The following RTN4 variants were observed in gnomAD, a reference collection of about 807,000 sequenced individuals.
The protein encoded by RTN4 is reticulon 4, also known as reticulon-4.
A neutral mutation model predicts 90.4 loss-of-function variants in RTN4; 32 were observed. The observed-to-expected ratio is 0.35, with a 90% CI of 0.27 to 0.48. The LOEUF (loss-of-function observed/expected upper bound fraction) is 0.48, where lower values mean the gene tolerates loss of function less well. RTN4 is among the 20% of genes least tolerant of loss of function. The pLI, the probability that RTN4 is intolerant of heterozygous loss-of-function variation, is 0.99. For synonymous variants in RTN4, 629 were observed against 552.5 expected (o/e 1.14, Z -1.94); for missense variants, 1,706 against 1,430.2 (o/e 1.19, Z -3.11).
chr2:55,137,300 G>C, the RTN4 span, among the ~76,000 whole-genome samples: 1 of 152,240 alleles, frequency 6.6e-6, no homozygotes, highest in Non-Finnish European at 1.5e-5. Context: ...CATGAAATGG[G>C]GGTGGCTGGA....
intron 4 of RTN4, among the ~76,000 whole-genome samples, chr2:54,984,709 T>C (rs184433635): frequency 1.3e-5 from 2 of 152,342 alleles, no homozygotes; most frequent in East Asian, 3.8e-4. Flanking sequence ...ATATCACCTC[T>C]ACTAGTATGA....
chr2:55,008,674 T>C (rs1448093532), intron 3 of RTN4, among the ~76,000 whole-genome samples: 1 of 152,120 alleles, frequency 6.6e-6, no homozygotes, highest in African/African-American at 2.4e-5. Flanking sequence ...TGGAACTTAA[T>C]TTCTCCTGTC....
chr2:55,052,746 A>G (rs1668119265), upstream of RTN4, among the ~76,000 whole-genome samples: 1 of 152,244 alleles, frequency 6.6e-6, no homozygotes, highest in Admixed American at 6.5e-5. Context: ...GCATAAACAT[A>G]CAAAAATATA....
chr2:55,128,242 G>A, the RTN4 span, among the ~76,000 whole-genome samples: 2 of 152,154 alleles, frequency 1.3e-5, no homozygotes, highest in Non-Finnish European at 2.9e-5. Context: ...TTCTGGGACT[G>A]CTGTGTCAAG....
chr2:55,012,907 A>C (rs1482351466), intron 3 of RTN4, among the ~76,000 whole-genome samples: 3 of 152,194 alleles, frequency 2.0e-5, no homozygotes, highest in Admixed American at 2.0e-4. Context: ...CCAACTTAAC[A>C]AGTCAAATAA....
chr2:55,004,512 T>C (rs960787252), intron 3 of RTN4, among the ~76,000 whole-genome samples: 2 of 152,160 alleles, frequency 1.3e-5, no homozygotes, highest in African/African-American at 4.8e-5. Flanking sequence ...ACTCTAAAAA[T>C]TCTGAATCTA....
chr2:55,082,402 A>C (rs1668738336), intron 1 of RTN4, among the ~76,000 whole-genome samples: 1 of 152,238 alleles, frequency 6.6e-6, no homozygotes, highest in Admixed American at 6.5e-5. Flanking sequence ...AATCAGGAGC[A>C]GCCACCACAA....
intron 2 of RTN4, among the ~76,000 whole-genome samples, chr2:55,066,166 C>T (rs545925521): frequency 7.6e-6 from 1 of 131,890 alleles, no homozygotes; most frequent in East Asian, 2.3e-4. Context: ...AGTATGAACC[C>T]ATTTGTGTGT....
At chr2:55,038,078 T>C (rs376851724) in intron 1 of RTN4, among the ~76,000 whole-genome samples, 1 of 152,096 alleles carries the variant, frequency 6.6e-6, no homozygotes, top group African/African-American at 2.4e-5. Context: ...TTATTATATG[T>C]ATGGAAAAGA....
the RTN4 span, among the ~76,000 whole-genome samples, chr2:55,137,737 A>G: frequency 6.6e-6 from 1 of 151,634 alleles, no homozygotes; most frequent in African/African-American, 2.4e-5. Flanking sequence ...TCCACCTCCG[A>G]CCTCTCAGCT....
chr2:55,069,981 G>A (rs906270844), intron 2 of RTN4, among the ~76,000 whole-genome samples: 1 of 152,148 alleles, frequency 6.6e-6, no homozygotes, highest in Non-Finnish European at 1.5e-5. Context: ...GTAAAAGATG[G>A]CACATTATTG....
At chr2:55,065,186 T>G (rs2972075) in intron 2 of RTN4, among the ~76,000 whole-genome samples, 47,525 of 152,132 alleles carry the variant, frequency 0.31, 8,703 homozygotes, top group East Asian at 0.59. Flanking sequence ...TCCACTGGCA[T>G]GCCAATATCC....
At position 54,973,103 on chromosome 2, in the gene RTN4, T is replaced by C; in HGVS notation, c.*53A>G. On this transcript the variant is annotated 3_prime_UTR_variant, in exon 9 of 9. Coordinates refer to ENST00000337526, the MANE Select transcript of RTN4 (RefSeq NM_020532.5). ...TCTTCCCTGACCCTCCCCCGTATAA[T>C]CAAATGAATATCCCCTTTAAAGATG... 6.7e-7 allele frequency: 1 copy of C among 1,482,338 alleles called. No individual in the cohort carries two copies. The allele number at this position is 1,482,338 out of a possible 1,614,324, so 91.8% of individuals were successfully genotyped here.
upstream of RTN4, among the ~76,000 whole-genome samples, chr2:55,116,900 G>A (rs1421726559): frequency 7.7e-6 from 1 of 129,414 alleles, no homozygotes; most frequent in Non-Finnish European, 1.6e-5. Context: ...TTGAGATGGA[G>A]TCTTGCTCTG....
At position 55,049,915 on chromosome 2, in the gene RTN4, G is replaced by C. The variant is rs1220410853; in HGVS notation, c.386C>G (p.Ser129Trp). Residue 129 changes from serine (S) to tryptophan (W), a missense_variant, in exon 1 of 9, where the codon TCG becomes TGG. Transcript: ENST00000337526. ...APSPLSAAAV[S>W]PSKLPEDDEP... ...GTCGTCCTCAGGGAGCTTGGAGGGC[G>C]AGACTGCGGCAGCAGACAGCGGGGA... 3.0e-6 allele frequency: 4 copies of C among 1,334,762 alleles called. No individual in the cohort carries two copies. In the East Asian group the frequency reaches 9.3e-5, roughly 31 times the overall value. The allele number at this position is 1,334,762 out of a possible 1,614,324, so 82.7% of individuals were successfully genotyped here.
At chr2:55,070,208 C>T (rs1387949265) in intron 2 of RTN4, among the ~76,000 whole-genome samples, 1 of 152,050 alleles carries the variant, frequency 6.6e-6, no homozygotes, top group African/African-American at 2.4e-5. Flanking sequence ...CCAGCTGCTA[C>T]TCACTAGATG....
chr2:55,047,325 C>G (rs1413911693), intron 1 of RTN4, among the ~76,000 whole-genome samples: 2 of 125,812 alleles, frequency 1.6e-5, no homozygotes, highest in South Asian at 2.9e-4. Flanking sequence ...GGGAGACTAT[C>G]TCAAAAAAAA....
chr2:55,067,384 G>T (rs751806439), intron 2 of RTN4, among the ~76,000 whole-genome samples: 3 of 151,656 alleles, frequency 2.0e-5, no homozygotes, highest in African/African-American at 2.4e-5. Flanking sequence ...TGCTTTGAAG[G>T]GATCAACTTT....
At chr2:55,117,270 A>G (rs1420602502), upstream of RTN4, among the ~76,000 whole-genome samples, 1 of 152,200 alleles carries the variant, frequency 6.6e-6, no homozygotes, top group Non-Finnish European at 1.5e-5. Flanking sequence ...GTCATCTTGG[A>G]CCTGATCCAA....
Sources: gnomAD v4.1 joint callset for allele counts (sites outside exome capture counted in the v4.1 genomes callset) on GRCh38, gnomAD v4.1.1 for gene constraint, MANE v1.5 for transcripts, NCBI Gene and HGNC (gene_info 2026-07-23, HGNC 2026-07-21) for gene names.